The following RGSL1 variants were observed in gnomAD, a reference collection of about 807,000 sequenced individuals.
The protein encoded by RGSL1 is regulator of G protein signaling like 1, also known as regulator of G protein signaling protein-like.
In RGSL1, 97 loss-of-function variants were observed where a neutral mutation model predicts 124.7. The observed-to-expected ratio is 0.78, with a 90% CI of 0.66 to 0.92. RGSL1 has a LOEUF of 0.92. Among genes scored for constraint, RGSL1 ranks in the 40% least tolerant of loss-of-function variants. RGSL1 has a pLI of 0.00. For missense variants in RGSL1, 1,233 were observed against 1,288.4 expected, an observed-to-expected ratio of 0.96 and a Z score of 0.66; for synonymous variants, 424 against 438.1, an observed-to-expected ratio of 0.97 and a Z score of 0.40.
At chr1:182,532,846 T>A in intron 14 of RGSL1, 55 bp downstream of exon 14, 1 of 1,508,918 alleles carries the variant, frequency 6.6e-7, no homozygotes, top group Non-Finnish European at 9.0e-7. Context: ...GCCATGAGGG[T>A]CAGCCCACAT....
At position 182,473,744 on chromosome 1, in the gene RGSL1, G is replaced by A. The variant is rs1009405304; in HGVS notation, c.633G>A (p.Leu211=). The change falls in exon 6 of 22, where the codon CTG becomes CTA. Residue 211 remains leucine, a synonymous_variant. Coordinates refer to ENST00000294854, the MANE Select transcript of RGSL1 (RefSeq NM_001137669.2). Reference sequence around the variant, plus strand: ...CCAAGGAGGAAGCATGCCATGGTCTGATGCAAGAGTACGAGACTCGCTTAT... The same window carrying A: ...CCAAGGAGGAAGCATGCCATGGTCTAATGCAAGAGTACGAGACTCGCTTAT... ...TMAKEEACHG[L]MQEYETRLYS... 1 of 1,551,646 alleles carries A rather than the reference G, an allele frequency of 6.4e-7. No homozygotes were observed. Among genetic ancestry groups the A allele is most frequent in the Non-Finnish European group, 8.7e-7 (1 of 1,147,004 alleles).
intron 9 of RGSL1, among the ~76,000 whole-genome samples, chr1:182,503,175 A>G (rs1270582434): frequency 1.3e-5 from 2 of 152,176 alleles, no homozygotes; most frequent in Non-Finnish European, 2.9e-5. Flanking sequence ...AAGAAAGGAA[A>G]TCAGTTATCG....
chr1:182,475,106 C>T (rs112002276), intron 6 of RGSL1, among the ~76,000 whole-genome samples: 5 of 152,264 alleles, frequency 3.3e-5, no homozygotes, highest in African/African-American at 1.2e-4. Context: ...ATGTCCATTC[C>T]TTCTTCACTT....
At chr1:182,539,087 T>C (rs1659728460) in intron 14 of RGSL1, among the ~76,000 whole-genome samples, 1 of 152,138 alleles carries the variant, frequency 6.6e-6, no homozygotes, top group South Asian at 2.1e-4. Flanking sequence ...CAAATGTCAG[T>C]AGCCAAAAAT....
intron 8 of RGSL1, among the ~76,000 whole-genome samples, chr1:182,491,434 C>T (rs553115291): frequency 9.9e-5 from 15 of 152,004 alleles, no homozygotes; most frequent in African/African-American, 2.9e-4. Flanking sequence ...AGGCTGGTCT[C>T]GAGCTCCTGA....
chr1:182,474,430 A>T lies in RGSL1; in HGVS notation c.1319A>T (p.Gln440Leu). Reference sequence around the variant, plus strand: ...ATCTGCGAGCTCTACCTGAATGAGCAGATTGGTCCGTGCTTACCACTCAAA... The same window carrying T: ...ATCTGCGAGCTCTACCTGAATGAGCTGATTGGTCCGTGCTTACCACTCAAA... The part of the protein sequence containing the change: ...DRICELYLNE[Q>L]IGPCLPLKSQ... Residue 440 changes from glutamine to leucine, a missense_variant, in exon 6 of 22, where the codon CAG becomes CTG. Transcript: ENST00000294854. 6.4e-7 allele frequency: 1 copy of T among 1,552,086 alleles called. No individual in the cohort carries two copies. The highest frequency in any genetic ancestry group is 8.7e-7 in the Non-Finnish European group (1 of 1,147,058).
chr1:182,520,905 C>CT (rs1245952118), intron 9 of RGSL1, among the ~76,000 whole-genome samples: 1 of 152,092 alleles, frequency 6.6e-6, no homozygotes, highest in Non-Finnish European at 1.5e-5. Context: ...GACTATATAA[C>CT]TAGGTCATGT....
At chr1:182,551,670 CAG>C (rs1391900022) in intron 18 of RGSL1, among the ~76,000 whole-genome samples, 2 of 151,966 alleles carry the variant, frequency 1.3e-5, no homozygotes, top group African/African-American at 2.4e-5. Flanking sequence ...ATATGTAAAA[CAG>C]ATATATAAAA....
chr1:182,454,772 C>A (rs1374271194), intron 2 of RGSL1, among the ~76,000 whole-genome samples: 1 of 152,170 alleles, frequency 6.6e-6, no homozygotes. Flanking sequence ...ATCTATGCAA[C>A]TAAAACAAAC....
chr1:182,508,301 T>TG (rs1005735488), intron 9 of RGSL1, among the ~76,000 whole-genome samples: 10 of 138,070 alleles, frequency 7.2e-5, no homozygotes, highest in African/African-American at 2.2e-4. Context: ...TTTTTTTTTT[T>TG]TTTTTTTTTT....
intron 6 of RGSL1, among the ~76,000 whole-genome samples, chr1:182,487,131 A>G (rs1288668773): frequency 6.6e-6 from 1 of 152,204 alleles, no homozygotes; most frequent in Non-Finnish European, 1.5e-5. Context: ...ACTGAACTGA[A>G]TTGTCTCAGG....
chr1:182,507,190 T>A (rs1656881740), intron 9 of RGSL1: 1 of 152,130 alleles, frequency 6.6e-6, no homozygotes, highest in South Asian at 2.1e-4. Context: ...GGTTTCTCCA[T>A]GTTGGTCAGG....
At chr1:182,496,250 A>G (rs1655903819) in intron 9 of RGSL1, among the ~76,000 whole-genome samples, 1 of 152,134 alleles carries the variant, frequency 6.6e-6, no homozygotes, top group African/African-American at 2.4e-5. Flanking sequence ...TGAGGACAGT[A>G]CCAAGGGGAT....
At chr1:182,509,715 G>A (rs1274590563) in intron 9 of RGSL1, among the ~76,000 whole-genome samples, 2 of 140,826 alleles carry the variant, frequency 1.4e-5, no homozygotes, top group African/African-American at 2.7e-5. Context: ...CCGGGCGGGG[G>A]GCTGACCCCC....
intron 8 of RGSL1, among the ~76,000 whole-genome samples, chr1:182,489,743 G>T (rs1558296667): frequency 6.6e-6 from 1 of 152,184 alleles, no homozygotes; most frequent in South Asian, 2.1e-4. Context: ...TCACTTGTAT[G>T]CTTGAGCAAT....
intron 1 of RGSL1, among the ~76,000 whole-genome samples, chr1:182,452,401 G>C (rs1260734704): frequency 6.6e-6 from 1 of 152,028 alleles, no homozygotes; most frequent in African/African-American, 2.4e-5. Context: ...TATGTGAACA[G>C]AGGGCAAGTG....
At chr1:182,499,613 T>C (rs1656201357) in intron 9 of RGSL1, among the ~76,000 whole-genome samples, 1 of 152,244 alleles carries the variant, frequency 6.6e-6, no homozygotes, top group African/African-American at 2.4e-5. Context: ...CAGTTGGGTC[T>C]TGCTTTTTTA....
chr1:182,478,504 T>C (rs1039595170), intron 6 of RGSL1, among the ~76,000 whole-genome samples: 21 of 152,136 alleles, frequency 1.4e-4, no homozygotes, highest in African/African-American at 4.8e-4. Context: ...AACAGATTTA[T>C]GTTTTAAGCA....
At chr1:182,502,786 T>A (rs910065673) in intron 9 of RGSL1, among the ~76,000 whole-genome samples, 3 of 152,014 alleles carry the variant, frequency 2.0e-5, no homozygotes, top group African/African-American at 7.3e-5. Context: ...CTAAAGGAAA[T>A]TAATGTTTTA....
Sources: gnomAD v4.1 joint callset for allele counts (sites outside exome capture counted in the v4.1 genomes callset) on GRCh38, gnomAD v4.1.1 for gene constraint, MANE v1.5 for transcripts, NCBI Gene and HGNC (gene_info 2026-07-23, HGNC 2026-07-21) for gene names.